PLEKHA7: variants seen among roughly 807,000 people sequenced by gnomAD.
PLEKHA7 encodes pleckstrin homology domain-containing family A member 7.
In PLEKHA7, 104 loss-of-function variants were observed where a neutral mutation model predicts 170.0. That is an observed-to-expected ratio of 0.61 (90% confidence interval 0.52 to 0.72). The LOEUF (loss-of-function observed/expected upper bound fraction) is 0.72. Among genes scored for constraint, PLEKHA7 ranks in the 30% least tolerant of loss-of-function variants. PLEKHA7 has a pLI of 0.00. For synonymous variants in PLEKHA7, 648 were observed against 660.8 expected, an observed-to-expected ratio of 0.98 and a Z score of 0.30; for missense variants, 1,615 against 1,671.7, an observed-to-expected ratio of 0.97 and a Z score of 0.59.
chr11:16,786,999 G>GA (rs903783431), intron 23 of PLEKHA7: 83 of 978,456 alleles, frequency 8.5e-5, no homozygotes, highest in East Asian at 3.4e-4. Context: ...CTTTAAATTA[G>GA]AAAAAAAAAC....
In PLEKHA7 at chr11:16,994,911, T is replaced by A. The variant is rs184743208; in HGVS notation, c.221+19078A>T. Among the ~76,000 whole-genome samples, 934 of 152,238 alleles carry A rather than the reference T, an allele frequency of 6.1e-3. 13 individuals are homozygous for A. Among genetic ancestry groups the A allele is most frequent in the African/African-American group, 0.022 (902 of 41,530 alleles). On this transcript the variant is annotated intron_variant, in intron 3 of 26. Transcript: ENST00000531066. Reference sequence around the variant, plus strand: ...CCCACCAGAGCACAGGCTCCTGGGCTCCTTGAGGACACCAGTGTTGCTTTG... The same window carrying A: ...CCCACCAGAGCACAGGCTCCTGGGCACCTTGAGGACACCAGTGTTGCTTTG...
intron 3 of PLEKHA7, among the ~76,000 whole-genome samples, chr11:16,937,836 G>A (rs1267126354): frequency 2.6e-5 from 4 of 152,050 alleles, no homozygotes; most frequent in African/African-American, 9.7e-5. Context: ...TTGAACTCCC[G>A]ACCTCAGGTG....
chr11:16,905,268 AAATT>A (rs1164366089), intron 3 of PLEKHA7, among the ~76,000 whole-genome samples: 2 of 152,216 alleles, frequency 1.3e-5, no homozygotes, highest in Non-Finnish European at 2.9e-5. Context: ...TTTTAAAAAT[AAATT>A]AATTAAAATA....
chr11:16,989,209 T>C (rs1377041214), intron 3 of PLEKHA7, among the ~76,000 whole-genome samples: 1 of 152,164 alleles, frequency 6.6e-6, no homozygotes, highest in East Asian at 1.9e-4. Context: ...CCTGGCCATG[T>C]GGGAGCAAGG....
At chr11:16,985,561 A>G (rs1489841647) in intron 3 of PLEKHA7, among the ~76,000 whole-genome samples, 1 of 152,244 alleles carries the variant, frequency 6.6e-6, no homozygotes, top group Non-Finnish European at 1.5e-5. Context: ...AGCCACACAC[A>G]ACAGCTAGAC....
intron 26 of PLEKHA7, among the ~76,000 whole-genome samples, chr11:16,780,554 C>T (rs1848945906): frequency 6.6e-6 from 1 of 152,192 alleles, no homozygotes; most frequent in African/African-American, 2.4e-5. Flanking sequence ...ATTTCTTTGG[C>T]CAAAGCCCTG....
At chr11:16,785,059 A>G (rs1249105699) in intron 24 of PLEKHA7, among the ~76,000 whole-genome samples, 1 of 152,238 alleles carries the variant, frequency 6.6e-6, no homozygotes, top group Non-Finnish European at 1.5e-5. Context: ...GAGCCCCAGC[A>G]GACCCCAAAA....
rs1849598450 is a variant in PLEKHA7, at chr11:16,789,025, T to C, written c.3357+71A>G. 2.0e-6 allele frequency: 3 copies of C among 1,524,432 alleles called. No individual in the cohort carries two copies. Among genetic ancestry groups the C allele is most frequent in the Non-Finnish European group, 2.6e-6 (3 of 1,133,048 alleles). 94.4% of individuals were successfully genotyped at this position (1,524,432 alleles called of 1,614,324 possible). The stretch of plus-strand genomic sequence containing the variant: ...CTCTCACTGGGAGGTGTGATGTGCT[T>C]GTGTTTGGGGGACTCTGAGGGGCAC... On this transcript the variant is annotated intron_variant, in intron 23 of 26. Transcript: ENST00000531066. The surrounding 1 kb of genome is among the most constrained non-coding windows in gnomAD (Gnocchi z 4.6).
intron 3 of PLEKHA7, among the ~76,000 whole-genome samples, chr11:17,007,916 C>T (rs1865107694): frequency 6.6e-6 from 1 of 152,154 alleles, no homozygotes. Context: ...CAGTTTTTAC[C>T]ATTAAAAGTA....
intron 3 of PLEKHA7, among the ~76,000 whole-genome samples, chr11:16,987,263 A>T (rs1051898795): frequency 1.5e-5 from 1 of 65,628 alleles, no homozygotes; most frequent in South Asian, 6.3e-4. Flanking sequence ...CATCCCCCAC[A>T]CCCCCCACTG....
chr11:16,959,251 T>C (rs908613440), intron 3 of PLEKHA7, among the ~76,000 whole-genome samples: 5 of 145,386 alleles, frequency 3.4e-5, no homozygotes, highest in African/African-American at 1.1e-4. Context: ...TAGACCCCAG[T>C]GTCTGTTGTT....
intron 8 of PLEKHA7, among the ~76,000 whole-genome samples, chr11:16,848,279 C>G (rs186894562): frequency 9.2e-5 from 14 of 152,334 alleles, no homozygotes; most frequent in Admixed American, 5.2e-4. Flanking sequence ...TGCTGTTTCC[C>G]TAGCGTCTGT....
At chr11:16,905,507 C>T (rs1177067456) in intron 3 of PLEKHA7, among the ~76,000 whole-genome samples, 1 of 152,148 alleles carries the variant, frequency 6.6e-6, no homozygotes, top group East Asian at 1.9e-4. Context: ...GCTGAGCCCA[C>T]AGCCCCTCTC....
At chr11:17,011,960 C>T (rs1865345150) in intron 3 of PLEKHA7, among the ~76,000 whole-genome samples, 1 of 87,678 alleles carries the variant, frequency 1.1e-5, no homozygotes, top group African/African-American at 3.6e-5. Context: ...CTTTCTCCCA[C>T]AGACTATTCA....
At chr11:16,825,116 C>A (rs1850534944) in intron 10 of PLEKHA7, among the ~76,000 whole-genome samples, 1 of 152,244 alleles carries the variant, frequency 6.6e-6, no homozygotes, top group South Asian at 2.1e-4. Context: ...GATTTATCCA[C>A]CATCCACTCT....
chr11:17,012,684 C>G (rs1865388792), intron 3 of PLEKHA7, among the ~76,000 whole-genome samples: 1 of 152,094 alleles, frequency 6.6e-6, no homozygotes, highest in Non-Finnish European at 1.5e-5. Flanking sequence ...GTTTTTTGTT[C>G]CCAATGCCTA....
intron 10 of PLEKHA7, among the ~76,000 whole-genome samples, chr11:16,825,911 G>A (rs79521750): frequency 0.065 from 9,842 of 152,264 alleles, 1,018 homozygotes; most frequent in African/African-American, 0.22. Flanking sequence ...GTGTGCTGTG[G>A]GCAGGTTCCT....
At chr11:16,887,425 G>A (rs113928197) in intron 3 of PLEKHA7, among the ~76,000 whole-genome samples, 10 of 150,144 alleles carry the variant, frequency 6.7e-5, no homozygotes, top group East Asian at 2.0e-4. Flanking sequence ...CTCTTTCCAC[G>A]GTCTCCCTCC....
chr11:17,011,759 T>A lies in PLEKHA7; in HGVS notation c.221+2230A>T, dbSNP rs188197659. 1.2e-4 allele frequency among the ~76,000 whole-genome samples: 18 copies of A among 152,296 alleles called. 1 individual carries two copies. In the East Asian group the frequency reaches 2.7e-3, roughly 23 times the overall value. ...CTTGAATAACATCTATTATACCCAA[T>A]GGGTCTCTTCTGTCCTCTCTCCCCA... On this transcript the variant is annotated intron_variant, in intron 3 of 26. Transcript: ENST00000531066.
Sources: gnomAD v4.1 joint callset for allele counts (sites outside exome capture counted in the v4.1 genomes callset) on GRCh38, gnomAD v4.1.1 for gene constraint, Gnocchi (gnomAD v3.1) non-coding constraint, MANE v1.5 for transcripts, NCBI Gene and HGNC (gene_info 2026-07-23, HGNC 2026-07-21) for gene names.